The following TET2 variants were observed in gnomAD, a reference collection of about 807,000 sequenced individuals.
TET2 encodes the protein methylcytosine dioxygenase TET2.
A neutral mutation model predicts 142.9 loss-of-function variants in TET2; 299 were observed. The observed-to-expected ratio is 2.09, with a 90% CI of 1.90 to 2.30. The LOEUF is 2.30. TET2 is among the 30% of genes most tolerant of loss of function. TET2 has a pLI of 0.00. For synonymous variants in TET2, 819 were observed against 849.0 expected (o/e 0.96, Z 0.61); for missense variants, 2,418 against 2,378.0 (o/e 1.02, Z -0.35).
chr4:105,188,132 G>A (rs1156609824), intron 1 of TET2, among the ~76,000 whole-genome samples: 18 of 152,176 alleles, frequency 1.2e-4, no homozygotes, highest in Admixed American at 1.2e-3. Context: ...CCTACAGATG[G>A]ATGAATGGAT....
At chr4:105,161,972 C>G (rs572028850) in intron 1 of TET2, among the ~76,000 whole-genome samples, 2 of 152,076 alleles carry the variant, frequency 1.3e-5, no homozygotes, top group African/African-American at 4.8e-5. Flanking sequence ...TAAGCTGAAT[C>G]CTCTTTGGTA....
In TET2 at chr4:105,235,678, T is replaced by A. The variant is rs2110229504; in HGVS notation, c.1736T>A (p.Leu579Gln). 6.2e-7 allele frequency: 1 copy of A among 1,614,164 alleles called. No individual in the cohort carries two copies. Among genetic ancestry groups the A allele is most frequent in the Non-Finnish European group, 8.5e-7 (1 of 1,180,008 alleles). The part of the protein sequence containing the change: ...APRFHQAESH[L>Q]KRNEASLPSI... The stretch of plus-strand genomic sequence containing the variant: ...CGTTTTCACCAAGCGGAATCCCATC[T>A]AAAACGTAATGAGGCATCACTGCCA... The change falls in exon 3 of 11, where the codon CTA becomes CAA. Residue 579 changes from leucine to glutamine, a missense_variant. Transcript: ENST00000380013.
chr4:105,235,217 TC>T lies in TET2; in HGVS notation c.1276del (p.Leu426Ter). The T allele has an allele frequency of 6.2e-7, 1 of 1,614,034 alleles. No homozygotes were observed. Among genetic ancestry groups the T allele is most frequent in the Non-Finnish European group, 8.5e-7 (1 of 1,180,002 alleles). ...PQLPSEGKST[L>X]NGGVLEEHHH... Reference sequence around the variant, plus strand: ...AGCTTCCTTCAGAAGGAAAAAGCACTCTGAATGGTGGAGTTTTAGAAGAACA... The same window carrying T: ...AGCTTCCTTCAGAAGGAAAAAGCACTTGAATGGTGGAGTTTTAGAAGAACA... On this transcript the variant is annotated frameshift_variant, in exon 3 of 11. Transcript: ENST00000380013. LOFTEE classifies it high-confidence loss of function.
rs752755906 is a variant in TET2, at chr4:105,276,216, C to T, written c.5706C>T (p.Tyr1902=). 1.3e-6 allele frequency: 2 copies of T among 1,551,626 alleles called. No individual in the cohort carries two copies. Among genetic ancestry groups the T allele is most frequent in the South Asian group, 2.4e-5 (2 of 84,056 alleles). Reference sequence around the variant, plus strand: ...CCACCAGGATCTCCCTCGTCTTTTACCAGCATAAGAGCATGAATGAGCCAA... The same window carrying T: ...CCACCAGGATCTCCCTCGTCTTTTATCAGCATAAGAGCATGAATGAGCCAA... ...NHPTRISLVF[Y]QHKSMNEPKH... The change falls in exon 11 of 11, where the codon TAC becomes TAT. Residue 1902 remains tyrosine (Y), a synonymous_variant. Coordinates refer to ENST00000380013, the MANE Select transcript of TET2 (RefSeq NM_001127208.3).
At chr4:105,243,858 C>T in intron 6 of TET2, 80 bp downstream of exon 6, 1 of 1,290,938 alleles carries the variant, frequency 7.7e-7, no homozygotes, top group Non-Finnish European at 1.1e-6. Context: ...GAAGAGAGTT[C>T]AGCGTGCACT....
chr4:105,236,836 C>CA lies in TET2; in HGVS notation c.2895dup (p.Gln966ThrfsTer6). ...TTACAGAAGCAAGAACAGCAGCAAA[C>CA]ACAGCAACCCCAAACTGAGTCTTGC... is the stretch of plus-strand genomic sequence containing the variant. On this transcript the variant is annotated frameshift_variant, in exon 3 of 11. Coordinates refer to ENST00000380013, the MANE Select transcript of TET2 (RefSeq NM_001127208.3). LOFTEE classifies it high-confidence loss of function. 1.2e-6 allele frequency: 2 copies of CA among 1,614,098 alleles called. No individual in the cohort carries two copies. Among genetic ancestry groups the CA allele is most frequent in the Non-Finnish European group, 1.7e-6 (2 of 1,179,996 alleles).
Position 105,236,300 on chromosome 4 carries a change from T to C in TET2, c.2358T>C (p.His786=). 1.2e-6 allele frequency: 2 copies of C among 1,614,084 alleles called. No homozygotes were observed. Among genetic ancestry groups the C allele is most frequent in the Non-Finnish European group, 8.5e-7 (1 of 1,180,008 alleles). ...AGACTAAAGTGGAAGAATGTTTTCA[T>C]GGTGAAAATCAGTATTCAAAATCAA... ...FGQTKVEECF[H]GENQYSKSSE... is the part of the protein sequence containing the mutation. The change falls in exon 3 of 11, where the codon CAT becomes CAC. Residue 786 remains histidine, a synonymous_variant. Coordinates refer to ENST00000380013, the MANE Select transcript of TET2 (RefSeq NM_001127208.3).
intron 1 of TET2, among the ~76,000 whole-genome samples, chr4:105,167,721 A>G (rs1405047462): frequency 2.6e-5 from 4 of 152,162 alleles, no homozygotes; most frequent in Admixed American, 6.6e-5. Flanking sequence ...TACAGATCTA[A>G]GGTGTAACTA....
At chr4:105,210,908 G>A (rs1363200935) in intron 2 of TET2, among the ~76,000 whole-genome samples, 2 of 152,152 alleles carry the variant, frequency 1.3e-5, no homozygotes, top group African/African-American at 4.8e-5. Context: ...CTACCAGAGT[G>A]ATCTTTTAAA....
In TET2 at chr4:105,236,781, C is replaced by CA; in HGVS notation, c.2843dup (p.His949AlafsTer23). 1.2e-6 allele frequency: 2 copies of CA among 1,614,116 alleles called. No individual in the cohort carries two copies. The highest frequency in any genetic ancestry group is 1.7e-6 in the Non-Finnish European group (2 of 1,179,996). Reference sequence around the variant, plus strand: ...TCAGACCCCTCCCCAGAAGGACACTCAAAAGCATGCTGCTCTAAGGTGGCA... The same window carrying CA: ...TCAGACCCCTCCCCAGAAGGACACTCAAAAAGCATGCTGCTCTAAGGTGGCA... On this transcript the variant is annotated frameshift_variant, in exon 3 of 11. Transcript: ENST00000380013. LOFTEE classifies it high-confidence loss of function.
At chr4:105,274,982 A>G (rs187819912) in intron 10 of TET2, 66 bp from the exon 11 acceptor site, 7 of 1,458,012 alleles carry the variant, frequency 4.8e-6, no homozygotes, top group Non-Finnish European at 6.3e-6. Context: ...TATCCTCACT[A>G]GCCTTCATAA....
intron 1 of TET2, among the ~76,000 whole-genome samples, chr4:105,150,540 G>C (rs1298458316): frequency 6.6e-6 from 1 of 152,182 alleles, no homozygotes; most frequent in African/African-American, 2.4e-5. Context: ...CCATTGCACA[G>C]TAGTTCTTAA....
chr4:105,193,056 C>T (rs551266034), intron 2 of TET2, among the ~76,000 whole-genome samples: 4 of 152,206 alleles, frequency 2.6e-5, no homozygotes, highest in African/African-American at 9.6e-5. Flanking sequence ...TTTACACATA[C>T]ACTTAAGTAA....
intron 4 of TET2, chr4:105,242,529 C>G: frequency 8.7e-7 from 1 of 1,144,216 alleles, no homozygotes; most frequent in Non-Finnish European, 1.1e-6. Context: ...CTGAACTTAG[C>G]AAACTAACCT....
rs745592812 is a variant in TET2, at chr4:105,235,898, G to C, written c.1956G>C (p.Gln652His). Residue 652 changes from glutamine (Q) to histidine (H), a missense_variant, in exon 3 of 11, where the codon CAG becomes CAC. Gln to His is a conservative substitution (Grantham distance 24). Transcript: ENST00000380013. ...QSQGTVDQHL[Q>H]FQKPSHQVHF... The stretch of plus-strand genomic sequence containing the variant: ...AAGGTACAGTGGACCAACATCTCCA[G>C]TTCCAAAAACCCTCACACCAGGTGC... 1.9e-6 allele frequency: 3 copies of C among 1,613,942 alleles called. No homozygotes were observed. In the East Asian group the frequency reaches 6.7e-5, roughly 36 times the overall value.
intron 1 of TET2, among the ~76,000 whole-genome samples, chr4:105,160,207 C>A (rs375714454): frequency 7.9e-5 from 12 of 152,052 alleles, no homozygotes; most frequent in African/African-American, 2.2e-4. Flanking sequence ...TAATTTCATA[C>A]CAAGACCTAG....
rs751506975 is a variant in TET2, at chr4:105,237,150, A to G, written c.3208A>G (p.Thr1070Ala). 1 of 1,614,176 alleles carries G rather than the reference A, an allele frequency of 6.2e-7. No homozygotes were observed. The highest frequency in any genetic ancestry group is 1.1e-5 in the South Asian group (1 of 91,082). ...AGTCACAGTTTTGACTAGACAAACC[A>G]CTGCTGCAGAACTTGATAGCCACAC... ...GPVTVLTRQT[T>A]AAELDSHTPA... is the part of the protein sequence containing the mutation. The change falls in exon 3 of 11, where the codon ACT becomes GCT. Residue 1070 changes from threonine (T) to alanine (A), a missense_variant. Coordinates refer to ENST00000380013, the MANE Select transcript of TET2 (RefSeq NM_001127208.3).
At chr4:105,268,833 C>T (rs576261796) in intron 8 of TET2, among the ~76,000 whole-genome samples, 1 of 152,158 alleles carries the variant, frequency 6.6e-6, no homozygotes, top group Middle Eastern at 3.4e-3. Context: ...ATTACTGGGG[C>T]ATGGTGGCGC....
chr4:105,261,519 G>A (rs889452870), intron 7 of TET2, among the ~76,000 whole-genome samples: 1 of 151,810 alleles, frequency 6.6e-6, no homozygotes, highest in African/African-American at 2.4e-5. Context: ...TGTATAAAAT[G>A]CAAAATATCT....
Sources: gnomAD v4.1 joint callset for allele counts (sites outside exome capture counted in the v4.1 genomes callset) on GRCh38, gnomAD v4.1.1 for gene constraint, MANE v1.5 for transcripts, NCBI Gene and HGNC (gene_info 2026-07-23, HGNC 2026-07-21) for gene names.